Variants in CEL observed in about 807,000 individuals in gnomAD.
The protein encoded by CEL is carboxyl ester lipase, also known as bile salt-activated lipase.
In CEL, 39 loss-of-function variants were observed where a neutral mutation model predicts 57.1. The ratio of observed to expected loss-of-function variants is 0.68; its 90% confidence interval spans 0.53 to 0.89. The LOEUF (loss-of-function observed/expected upper bound fraction) is 0.89. Among genes scored for constraint, CEL ranks in the 40% least tolerant of loss-of-function variants. The pLI is 0.00. For synonymous variants in CEL, 314 were observed against 396.6 expected (o/e 0.79, Z 2.48); for missense variants, 698 against 915.0 (o/e 0.76, Z 3.06).
chr9:133,066,971 C>CGGGGGGGGGGG lies in CEL; in HGVS notation c.777+30_777+31insGGGGGGGGGGG. 3 of 571,484 alleles carry CGGGGGGGGGGG rather than the reference C, an allele frequency of 5.2e-6. No individual in the cohort carries two copies. The highest frequency in any genetic ancestry group is 9.1e-6 in the Non-Finnish European group (3 of 330,544). The allele number at this position is 571,484 out of a possible 1,614,324, so 35.4% of individuals were successfully genotyped here. ...GTAAACGGAGGAGGGCAGGGCTGGG[C>CGGGGGGGGGGG]GGGGTGGGGGCTGTCCACATTTCCG... On this transcript the variant is annotated intron_variant, in intron 6 of 10. Coordinates refer to ENST00000372080, the MANE Select transcript of CEL (RefSeq NM_001807.6). The surrounding 1 kb of genome is among the most constrained non-coding windows in gnomAD (Gnocchi z 4.3).
chr9:133,064,370 A>C, intron 1 of CEL, 34 bp from the exon 2 acceptor site: 2 of 1,611,746 alleles, frequency 1.2e-6, no homozygotes, highest in Non-Finnish European at 1.7e-6. Context: ...ATGGGGCTTG[A>C]GCCCCCCTGA....
In CEL at chr9:133,071,311, C is replaced by A. The variant is rs749622275; in HGVS notation, c.1809C>A (p.Pro603=). 3.5e-5 allele frequency: 18 copies of A among 508,250 alleles called. No individual in the cohort carries two copies. The highest frequency in any genetic ancestry group is 1.0e-3 in the Middle Eastern group (2 of 1,986). The allele number at this position is 508,250 out of a possible 1,614,324, so 31.5% of individuals were successfully genotyped here. A position where few individuals can be genotyped will look rare whatever the true frequency, so the allele number is the denominator to read the frequency against. Residue 603 remains proline, a synonymous_variant, in exon 11 of 11, where the codon CCC becomes CCA. Coordinates refer to ENST00000372080, the MANE Select transcript of CEL (RefSeq NM_001807.6). ...VPPTGDSGAP[P]VPPTGDSGAP... ...CCACGGGTGACTCCGGGGCCCCCCC[C>A]GTGCCGCCCACGGGTGACTCCGGGG...
intron 9 of CEL, among the ~76,000 whole-genome samples, chr9:133,069,824 A>T (rs534466028): frequency 7.9e-5 from 12 of 152,050 alleles, no homozygotes; most frequent in Non-Finnish European, 1.8e-4. Flanking sequence ...TACAAAAATT[A>T]TCCAGGCATG....
chr9:133,068,211 C>T (rs772646168), intron 7 of CEL, among the ~76,000 whole-genome samples: 3 of 152,198 alleles, frequency 2.0e-5, no homozygotes, highest in Non-Finnish European at 4.4e-5. Context: ...GTCTGGAGTA[C>T]AATGCAGACC....
intron 9 of CEL, 75 bp from the exon 10 acceptor site, chr9:133,070,385 TC>T: frequency 7.9e-7 from 1 of 1,268,946 alleles, no homozygotes; most frequent in Non-Finnish European, 1.1e-6. Flanking sequence ...GCCCGGGACC[TC>T]CCTCCAAGTC....
rs374972954 is a variant in CEL at position 133,064,905 on chromosome 9, C to G, written c.341-135C>G. 21 of 1,542,374 alleles carry G rather than the reference C, an allele frequency of 1.4e-5. No homozygotes were observed. The African/African-American group carries it at 2.9e-4, about 21-fold the overall frequency. On this transcript the variant is annotated intron_variant, in intron 3 of 10. Transcript: ENST00000372080. ...GGAGGGGAGCGCCCACTGCCGTTGC[C>G]CAGCCTGGGGCAGGGCAGCGCCTTG...
In CEL at chr9:133,065,714, C is replaced by T. The variant is rs550466702; in HGVS notation, c.538+477C>T. Among the ~76,000 whole-genome samples the T allele has an allele frequency of 5.3e-5, 8 of 152,090 alleles. No individual in the cohort carries two copies. The South Asian group carries it at 1.2e-3, about 24-fold the overall frequency. On this transcript the variant is annotated intron_variant, in intron 4 of 10. Transcript: ENST00000372080. Reference sequence around the variant, plus strand: ...ATACAAAATTAGCCAGGCGTGGTGGCGCTTGCCTGTAATCCCAGCTACTCG... The same window carrying T: ...ATACAAAATTAGCCAGGCGTGGTGGTGCTTGCCTGTAATCCCAGCTACTCG...
Position 133,066,756 on chromosome 9 carries a change from G to C in CEL, c.670-82G>C. ...GGAGGAGGAGCGTGGAGCTGGGGCT[G>C]TGGTGCTGGGGTGTCCTTGTCCCAG... On this transcript the variant is annotated intron_variant, in intron 5 of 10. Coordinates refer to ENST00000372080, the MANE Select transcript of CEL (RefSeq NM_001807.6). This position sits in a 1 kb window ranked among gnomAD's most constrained non-coding sequence, Gnocchi z 4.3. 1 of 1,607,564 alleles carries C rather than the reference G, an allele frequency of 6.2e-7. No individual in the cohort carries two copies.
rs1449431585 is a variant in CEL, at chr9:133,070,613, T to C, written c.1439T>C (p.Val480Ala). The C allele has an allele frequency of 6.2e-7, 1 of 1,614,080 alleles. No homozygotes were observed. Among genetic ancestry groups the C allele is most frequent in the Non-Finnish European group, 8.5e-7 (1 of 1,180,006 alleles). ...GGCTACCGGCCCCAAGACAGGACAG[T>C]CTCTAAGGCCATGATCGCCTACTGG... ...PTGYRPQDRT[V>A]SKAMIAYWTN... The change falls in exon 10 of 11, where the codon GTC (valine) becomes GCC (alanine). Residue 480 changes from valine to alanine, a missense_variant. Physicochemically the swap from Val to Ala is moderately conservative, Grantham distance 64. Around this residue, in one of 6 missense-constraint regions of CEL, gnomAD observed 111 missense variants for 147.3 expected, o/e 0.75. Coordinates refer to ENST00000372080, the MANE Select transcript of CEL (RefSeq NM_001807.6).
chr9:133,070,536 C>T lies in CEL; in HGVS notation c.1362C>T (p.Asp454=), dbSNP rs1830243017. 3 of 1,614,090 alleles carry T rather than the reference C, an allele frequency of 1.9e-6. No homozygotes were observed. Among genetic ancestry groups the T allele is most frequent in the Middle Eastern group, 1.6e-4 (1 of 6,062 alleles). ...MPVYPKWVGA[D]HADDIQYVFG... Reference sequence around the variant, plus strand: ...TCTACCCCAAATGGGTGGGGGCCGACCATGCAGATGACATTCAGTACGTTT... The same window carrying T: ...TCTACCCCAAATGGGTGGGGGCCGATCATGCAGATGACATTCAGTACGTTT... Residue 454 remains aspartate, a synonymous_variant, in exon 10 of 11, where the codon GAC becomes GAT. Coordinates refer to ENST00000372080, the MANE Select transcript of CEL (RefSeq NM_001807.6).
intron 1 of CEL, among the ~76,000 whole-genome samples, chr9:133,062,604 A>G (rs1178349670): frequency 1.2e-3 from 172 of 144,178 alleles, no homozygotes; most frequent in African/African-American, 4.7e-3. Context: ...AAAAAATAGA[A>G]AAAGAAAAAA....
rs1168927652 is a variant in CEL, at chr9:133,066,454, C to T, written c.539-76C>T. 6.3e-7 allele frequency: 1 copy of T among 1,587,672 alleles called. No homozygotes were observed. The highest frequency in any genetic ancestry group is 8.6e-7 in the Non-Finnish European group (1 of 1,160,372). Reference sequence around the variant, plus strand: ...TCTGTTGAGGGCATTTCCACCCCACCTATGCTGATCTCCCCTCCTGGAGGC... The same window carrying T: ...TCTGTTGAGGGCATTTCCACCCCACTTATGCTGATCTCCCCTCCTGGAGGC... On this transcript the variant is annotated intron_variant, in intron 4 of 10. Transcript: ENST00000372080. This position sits in a 1 kb window ranked among gnomAD's most constrained non-coding sequence, Gnocchi z 4.3.
chr9:133,067,429 A>G lies in CEL; in HGVS notation c.895+224A>G, dbSNP rs192058004. ...CTCACTGTTGCCCAGGCTGGAGTGC[A>G]GTGTCACGATCTCAGCTCACTGCAA... On this transcript the variant is annotated intron_variant, in intron 7 of 10. Coordinates refer to ENST00000372080, the MANE Select transcript of CEL (RefSeq NM_001807.6). Among the ~76,000 whole-genome samples, 578 of 152,052 alleles carry G rather than the reference A, an allele frequency of 3.8e-3. 3 individuals are homozygous for G. The highest frequency in any genetic ancestry group is 0.013 in the African/African-American group (533 of 41,442).
chr9:133,065,325 A>C (rs1229884488), intron 4 of CEL, 88 bp downstream of exon 4: 5 of 1,455,672 alleles, frequency 3.4e-6, no homozygotes, highest in Non-Finnish European at 4.8e-6. Context: ...CACCCCAAAC[A>C]ACCAGTGGCG....
chr9:133,067,126 C>T lies in CEL; in HGVS notation c.816C>T (p.Ala272=), dbSNP rs766436684. The part of the protein sequence containing the change: ...EKVGCPVGDA[A]RMAQCLKVTD... ...TGGGTTGCCCTGTGGGTGATGCCGC[C>T]AGGATGGCCCAGTGTCTGAAGGTTA... Residue 272 remains alanine, a synonymous_variant, in exon 7 of 11, where the codon GCC becomes GCT. Transcript: ENST00000372080. 1.9e-5 allele frequency: 30 copies of T among 1,614,026 alleles called. No homozygotes were observed. In the Admixed American group the frequency reaches 4.8e-4, roughly 26 times the overall value.
chr9:133,070,773 C>T, intron 10 of CEL, 115 bp downstream of exon 10: 2 of 1,360,836 alleles, frequency 1.5e-6, no homozygotes, highest in Non-Finnish European at 2.1e-6. Context: ...ACTTAACCTC[C>T]CCCTGCATCG....
rs144431256 is a variant in CEL, at chr9:133,066,404, A to G, written c.539-126A>G. The G allele has an allele frequency of 7.1e-5, 88 of 1,243,058 alleles. No homozygotes were observed. Among genetic ancestry groups the G allele is most frequent in the South Asian group, 4.6e-4 (37 of 80,828 alleles). 77.0% of individuals were successfully genotyped at this position (1,243,058 alleles called of 1,614,324 possible). On this transcript the variant is annotated intron_variant, in intron 4 of 10. Transcript: ENST00000372080. The surrounding 1 kb of genome is among the most constrained non-coding windows in gnomAD (Gnocchi z 4.3). ...CTTCTTAGGGACCCACCATTTGCCA[A>G]CTGGGGCTCTGCCATGGCCCCAACT...
intron 9 of CEL, among the ~76,000 whole-genome samples, chr9:133,069,851 A>G (rs1830235102): frequency 1.3e-5 from 2 of 152,026 alleles, no homozygotes; most frequent in African/African-American, 2.4e-5. Flanking sequence ...CATGCCTATA[A>G]TCCTAGCTAC....
chr9:133,065,812 C>T (rs1207470817), intron 4 of CEL, among the ~76,000 whole-genome samples: 3 of 145,474 alleles, frequency 2.1e-5, no homozygotes, highest in East Asian at 4.0e-4. Context: ...TGCCACTGCA[C>T]TCCAGCCTGG....
Sources: allele counts gnomAD v4.1 joint callset (sites outside exome capture counted in the v4.1 genomes callset), GRCh38; gene constraint gnomAD v4.1.1; regional missense constraint gnomAD v4.1.1; non-coding constraint Gnocchi (gnomAD v3.1); transcripts MANE v1.5; gene names NCBI Gene and HGNC (gene_info 2026-07-23, HGNC 2026-07-21).